The following THSD7B variants were observed in gnomAD, a reference collection of about 807,000 sequenced individuals.
THSD7B encodes thrombospondin type-1 domain-containing protein 7B.
THSD7B carries 138 observed loss-of-function variants against 213.6 expected under a neutral mutation model. The ratio of observed to expected loss-of-function variants is 0.65; its 90% CI spans 0.56 to 0.74. The LOEUF (loss-of-function observed/expected upper bound fraction) is 0.74. Among genes scored for constraint, THSD7B ranks in the 30% least tolerant of loss-of-function variants. The pLI, the probability that THSD7B is intolerant of heterozygous loss-of-function variation, is 0.00. For missense variants in THSD7B, 1,931 were observed against 1,991.5 expected (o/e 0.97, Z 0.58); for synonymous variants, 742 against 687.0 (o/e 1.08, Z -1.25).
chr2:137,189,902 G>A (rs940896577), intron 7 of THSD7B, among the ~76,000 whole-genome samples: 1 of 152,008 alleles, frequency 6.6e-6, no homozygotes, highest in Non-Finnish European at 1.5e-5. Context: ...GTCTTAATAA[G>A]TCTAAATTGC....
intron 7 of THSD7B, among the ~76,000 whole-genome samples, chr2:137,208,013 A>G (rs994839558): frequency 6.6e-6 from 1 of 152,064 alleles, no homozygotes; most frequent in Non-Finnish European, 1.5e-5. Flanking sequence ...TCACGGCCCA[A>G]TAACGAGATG....
At chr2:136,916,545 T>G (rs2105029460) in intron 2 of THSD7B, among the ~76,000 whole-genome samples, 1 of 152,288 alleles carries the variant, frequency 6.6e-6, no homozygotes, top group African/African-American at 2.4e-5. Flanking sequence ...GCAGTAGAAC[T>G]CAGTTTTGAA....
intron 15 of THSD7B, among the ~76,000 whole-genome samples, chr2:137,475,484 A>G (rs1173307547): frequency 6.6e-6 from 1 of 152,060 alleles, no homozygotes; most frequent in African/African-American, 2.4e-5. Context: ...TATCCCTCAC[A>G]TCTCCAGACC....
intron 17 of THSD7B, among the ~76,000 whole-genome samples, chr2:137,584,335 T>C (rs899266248): frequency 4.6e-5 from 7 of 152,218 alleles, no homozygotes; most frequent in Admixed American, 1.3e-4. Flanking sequence ...GTTATTTCTT[T>C]CTCCTGCCTG....
intron 12 of THSD7B, among the ~76,000 whole-genome samples, chr2:137,404,416 T>C (rs1686446131): frequency 7.9e-6 from 1 of 127,204 alleles, no homozygotes; most frequent in African/African-American, 3.1e-5. Context: ...AATGAGTGGA[T>C]AAAGAAACTC....
intron 14 of THSD7B, among the ~76,000 whole-genome samples, chr2:137,444,231 G>T (rs535370115): frequency 6.6e-6 from 1 of 152,018 alleles, no homozygotes; most frequent in East Asian, 1.9e-4. Flanking sequence ...CCAAGAAAAT[G>T]TATACATTCA....
At chr2:137,308,592 T>C (rs1362908091) in intron 12 of THSD7B, among the ~76,000 whole-genome samples, 1 of 152,152 alleles carries the variant, frequency 6.6e-6, no homozygotes. Flanking sequence ...TTTTTTGTTT[T>C]ATGTGTTTAT....
At chr2:137,182,740 GTCCT>G (rs1558949748) in intron 7 of THSD7B, among the ~76,000 whole-genome samples, 1 of 152,012 alleles carries the variant, frequency 6.6e-6, no homozygotes, top group East Asian at 1.9e-4. Flanking sequence ...CTCATTTTAC[GTCCT>G]TCCTTTCTTT....
intron 17 of THSD7B, among the ~76,000 whole-genome samples, chr2:137,598,623 T>C (rs1682010985): frequency 1.3e-5 from 2 of 152,204 alleles, no homozygotes; most frequent in Admixed American, 1.3e-4. Context: ...AAATGGCTTG[T>C]TGTGAATAAT....
intron 17 of THSD7B, among the ~76,000 whole-genome samples, chr2:137,596,474 A>C (rs573335976): frequency 7.2e-5 from 11 of 152,162 alleles, no homozygotes; most frequent in African/African-American, 1.9e-4. Context: ...CCAAAATCTT[A>C]TCATCATGGT....
chr2:136,821,908 T>C lies in THSD7B; in HGVS notation c.-36+56221T>C, dbSNP rs116588530. ...CAGAGCTTGTGCTATGCATAGGACC[T>C]AGTAAGACTTCAATAAATGTATGCT... On this transcript the variant is annotated intron_variant, in intron 1 of 27. Transcript: ENST00000409968. 8.1e-3 allele frequency among the ~76,000 whole-genome samples: 1,229 copies of C among 152,288 alleles called. 28 individuals are homozygous for C. The highest frequency in any genetic ancestry group is 0.028 in the African/African-American group (1,145 of 41,552).
intron 7 of THSD7B, among the ~76,000 whole-genome samples, chr2:137,214,495 C>T (rs1317479276): frequency 6.6e-6 from 1 of 152,072 alleles, no homozygotes; most frequent in African/African-American, 2.4e-5. Flanking sequence ...AGGTTTGTTA[C>T]ATAGGTATAC....
intron 15 of THSD7B, among the ~76,000 whole-genome samples, chr2:137,545,610 G>T (rs1158033552): frequency 6.6e-6 from 1 of 151,888 alleles, no homozygotes; most frequent in Admixed American, 6.6e-5. Context: ...CTCTACAGAT[G>T]GCATTCATTA....
intron 1 of THSD7B, among the ~76,000 whole-genome samples, chr2:136,809,419 G>T (rs1344271576): frequency 6.6e-6 from 1 of 152,194 alleles, no homozygotes; most frequent in Non-Finnish European, 1.5e-5. Flanking sequence ...TAGGACATGG[G>T]GTTGTAGACA....
chr2:137,486,140 T>C (rs966378828), intron 15 of THSD7B, among the ~76,000 whole-genome samples: 3 of 151,914 alleles, frequency 2.0e-5, no homozygotes, highest in Non-Finnish European at 4.4e-5. Context: ...AATTCACACA[T>C]AACAATATTA....
intron 12 of THSD7B, among the ~76,000 whole-genome samples, chr2:137,283,723 C>A (rs1345287924): frequency 6.6e-6 from 1 of 152,130 alleles, no homozygotes; most frequent in Non-Finnish European, 1.5e-5. Flanking sequence ...GTATGTTGAA[C>A]CAGCCTTGCA....
At chr2:137,045,421 C>T (rs1686952389) in intron 2 of THSD7B, among the ~76,000 whole-genome samples, 1 of 152,084 alleles carries the variant, frequency 6.6e-6, no homozygotes, top group Non-Finnish European at 1.5e-5. Context: ...GTGGATACAC[C>T]TGACAAAGAA....
intron 2 of THSD7B, among the ~76,000 whole-genome samples, chr2:136,988,709 C>G (rs1022807521): frequency 6.6e-6 from 1 of 152,218 alleles, no homozygotes; most frequent in Non-Finnish European, 1.5e-5. Flanking sequence ...GCCAATGATA[C>G]TTTATTTTTC....
intron 2 of THSD7B, among the ~76,000 whole-genome samples, chr2:136,904,124 C>A (rs1684113176): frequency 6.6e-6 from 1 of 152,072 alleles, no homozygotes; most frequent in Non-Finnish European, 1.5e-5. Flanking sequence ...ATGTGTTTCT[C>A]CTTTAATTAA....
Sources: allele counts gnomAD v4.1 joint callset (sites outside exome capture counted in the v4.1 genomes callset), GRCh38; gene constraint gnomAD v4.1.1; transcripts MANE v1.5; gene names NCBI Gene and HGNC (gene_info 2026-07-23, HGNC 2026-07-21).